The following ZFHX3 variants were observed in gnomAD, a reference collection of about 807,000 sequenced individuals.
ZFHX3 encodes the protein zinc finger homeobox protein 3.
A neutral mutation model predicts 279.1 loss-of-function variants in ZFHX3; 42 were observed. The observed-to-expected ratio is 0.15, with a 90% confidence interval of 0.12 to 0.19. The LOEUF (loss-of-function observed/expected upper bound fraction) is 0.19, where lower values mean the gene tolerates loss of function less well. Among genes scored for constraint, ZFHX3 ranks in the 10% least tolerant of loss-of-function variants. ZFHX3 has a pLI of 1.00. For synonymous variants in ZFHX3, 2,293 were observed against 1,957.8 expected, an observed-to-expected ratio of 1.17 and a Z score of -4.52; for missense variants, 4,981 against 4,754.0, an observed-to-expected ratio of 1.05 and a Z score of -1.40.
chr16:73,727,951 G>A (rs1026811539), intron 1 of ZFHX3, among the ~76,000 whole-genome samples: 2 of 149,786 alleles, frequency 1.3e-5, no homozygotes, highest in Admixed American at 6.7e-5. Context: ...AGCTACATGT[G>A]GCTATTTGAA....
chr16:73,025,894 C>T (rs1051838769), intron 1 of ZFHX3, among the ~76,000 whole-genome samples: 2 of 152,132 alleles, frequency 1.3e-5, no homozygotes, highest in Admixed American at 1.3e-4. Context: ...AAGATGCATG[C>T]CTTCAAGTTT....
At chr16:73,274,208 C>T (rs2014232467) in intron 4 of ZFHX3, among the ~76,000 whole-genome samples, 1 of 152,190 alleles carries the variant, frequency 6.6e-6, no homozygotes, top group South Asian at 2.1e-4. Flanking sequence ...AATTTGTATT[C>T]CTGTGAAGAA....
intron 4 of ZFHX3, among the ~76,000 whole-genome samples, chr16:72,876,431 C>T (rs561385205): frequency 2.6e-5 from 4 of 152,224 alleles, no homozygotes; most frequent in East Asian, 1.9e-4. Flanking sequence ...TACGATTCAG[C>T]GCAGTCACCG....
intron 4 of ZFHX3, among the ~76,000 whole-genome samples, chr16:73,299,334 G>A (rs868772425): frequency 3.3e-5 from 5 of 152,146 alleles, no homozygotes; most frequent in South Asian, 2.1e-4. Context: ...GTGAAATAAT[G>A]TAACAATAGA....
intron 1 of ZFHX3, among the ~76,000 whole-genome samples, chr16:73,805,832 G>T (rs953346869): frequency 2.0e-4 from 30 of 152,196 alleles, no homozygotes; most frequent in African/African-American, 7.2e-4. Flanking sequence ...GGTGATGGGG[G>T]TACTTCTTCG....
chr16:73,640,993 C>T (rs1208118572), intron 2 of ZFHX3, among the ~76,000 whole-genome samples: 2 of 152,276 alleles, frequency 1.3e-5, no homozygotes, highest in Middle Eastern at 3.4e-3. Flanking sequence ...AGAATGGCAT[C>T]GATCTTCTCA....
intron 1 of ZFHX3, among the ~76,000 whole-genome samples, chr16:73,019,109 A>G (rs1236528714): frequency 1.3e-5 from 2 of 152,240 alleles, no homozygotes; most frequent in African/African-American, 2.4e-5. Flanking sequence ...GGCTCAAGTC[A>G]AAAGAGTTGG....
intron 1 of ZFHX3, among the ~76,000 whole-genome samples, chr16:73,033,795 C>T (rs1451177871): frequency 2.0e-5 from 3 of 152,140 alleles, no homozygotes; most frequent in Non-Finnish European, 4.4e-5. Flanking sequence ...AGCCTCAAAT[C>T]GTAGGAGGCT....
chr16:73,051,768 T>C (rs1965454223), upstream of ZFHX3, among the ~76,000 whole-genome samples: 1 of 152,186 alleles, frequency 6.6e-6, no homozygotes, highest in Non-Finnish European at 1.5e-5. Context: ...AGAAGTTGCC[T>C]TAAAACAGCT....
chr16:73,635,978 AT>A (rs2052523958), intron 2 of ZFHX3, among the ~76,000 whole-genome samples: 1 of 152,132 alleles, frequency 6.6e-6, no homozygotes, highest in African/African-American at 2.4e-5. Context: ...AGGGTTAGTC[AT>A]TTCCTCTTAG....
chr16:73,650,286 A>C (rs1409224101), intron 2 of ZFHX3, among the ~76,000 whole-genome samples: 4 of 152,086 alleles, frequency 2.6e-5, no homozygotes, highest in Non-Finnish European at 5.9e-5. Flanking sequence ...AAAGCAGAAG[A>C]AGCCCAAAGA....
chr16:73,037,672 C>T (rs1964961309), intron 1 of ZFHX3, among the ~76,000 whole-genome samples: 1 of 152,172 alleles, frequency 6.6e-6, no homozygotes, highest in Admixed American at 6.5e-5. Context: ...AACACCCTGG[C>T]ATGTGCTATC....
At chr16:72,820,992 A>G (rs773606154) in intron 5 of ZFHX3, among the ~76,000 whole-genome samples, 12 of 152,168 alleles carry the variant, frequency 7.9e-5, no homozygotes, top group Non-Finnish European at 1.8e-4. Flanking sequence ...AGACTCTGAG[A>G]CACTGCAATA....
intron 2 of ZFHX3, among the ~76,000 whole-genome samples, chr16:73,585,068 A>G (rs1373503026): frequency 6.6e-6 from 1 of 152,216 alleles, no homozygotes; most frequent in Non-Finnish European, 1.5e-5. Context: ...TAAAAAGTCA[A>G]GAAACAACAG....
chr16:73,779,759 T>C (rs393648), intron 1 of ZFHX3, among the ~76,000 whole-genome samples: 150,362 of 152,286 alleles, frequency 0.99, 74,238 homozygotes, highest in East Asian at 1. Flanking sequence ...CGTTCTGTCG[T>C]CAGGTTGGAG....
At chr16:73,192,740 G>C (rs1029250379) in intron 5 of ZFHX3, among the ~76,000 whole-genome samples, 3 of 152,170 alleles carry the variant, frequency 2.0e-5, no homozygotes, top group Non-Finnish European at 4.4e-5. Context: ...CTCATGCGCT[G>C]GTGCTTTAAG....
intron 4 of ZFHX3, among the ~76,000 whole-genome samples, chr16:73,269,746 C>T (rs763149971): frequency 6.6e-6 from 1 of 151,310 alleles, no homozygotes; most frequent in Non-Finnish European, 1.5e-5. Flanking sequence ...TTCTTTTTTG[C>T]TTTTCTTTAT....
In ZFHX3 at chr16:72,949,507, A is replaced by G. The variant is rs1473322398; in HGVS notation, c.3216+962T>C. On this transcript the variant is annotated intron_variant, in intron 3 of 9. Coordinates refer to ENST00000268489, the MANE Select transcript of ZFHX3 (RefSeq NM_006885.4). ...AAAATCAATAGAGACGTCTGGAGCA[A>G]TTCTGCCGTGCAAGTGAAAGGACTA... is the stretch of plus-strand genomic sequence containing the variant. Among the ~76,000 whole-genome samples, 4 of 152,208 alleles carry G rather than the reference A, an allele frequency of 2.6e-5. No individual in the cohort carries two copies. The East Asian group carries it at 7.7e-4, about 29-fold the overall frequency.
chr16:73,540,134 A>G (rs2019985390), intron 2 of ZFHX3, among the ~76,000 whole-genome samples: 2 of 152,182 alleles, frequency 1.3e-5, no homozygotes, highest in South Asian at 4.1e-4. Flanking sequence ...ATCATGTTGA[A>G]ACAAAATGCA....
Sources: gnomAD v4.1 joint callset for allele counts (sites outside exome capture counted in the v4.1 genomes callset) on GRCh38, gnomAD v4.1.1 for gene constraint, MANE v1.5 for transcripts, NCBI Gene and HGNC (gene_info 2026-07-23, HGNC 2026-07-21) for gene names.